SOX5: variants seen among roughly 807,000 people sequenced by gnomAD.
The protein encoded by SOX5 is SRY-box transcription factor 5.
In SOX5, 9 loss-of-function variants were observed where a neutral mutation model predicts 92.0. The observed-to-expected ratio is 0.10, with a 90% CI of 0.06 to 0.17. The LOEUF (loss-of-function observed/expected upper bound fraction) is 0.17, where lower values mean the gene tolerates loss of function less well. Ranked by LOEUF, SOX5 falls within the 10% of genes least tolerant of loss-of-function variation. The pLI, the probability that SOX5 is intolerant of heterozygous loss-of-function variation, is 1.00. For synonymous variants in SOX5, 344 were observed against 336.3 expected (o/e 1.02, Z -0.25); for missense variants, 642 against 944.5 (o/e 0.68, Z 4.20).
intron 2 of SOX5, among the ~76,000 whole-genome samples, chr12:24,352,314 AGATTATATATT>A (rs1954186052): frequency 6.6e-6 from 1 of 152,228 alleles, no homozygotes; most frequent in Admixed American, 6.5e-5. Context: ...TTTTGGGAAT[AGATTATATATT>A]GATTATATAA....
intron 4 of SOX5, among the ~76,000 whole-genome samples, chr12:23,742,499 C>T (rs2141020010): frequency 6.6e-6 from 1 of 152,008 alleles, no homozygotes; most frequent in South Asian, 2.1e-4. Context: ...CTATTATATC[C>T]TAATATTAAA....
At chr12:24,193,243 G>GA (rs1956699310) in intron 4 of SOX5, among the ~76,000 whole-genome samples, 1 of 152,192 alleles carries the variant, frequency 6.6e-6, no homozygotes, top group African/African-American at 2.4e-5. Flanking sequence ...TTTGGAAACT[G>GA]ACCAGAACAC....
chr12:24,269,064 G>T (rs937007086), intron 3 of SOX5, among the ~76,000 whole-genome samples: 1 of 152,148 alleles, frequency 6.6e-6, no homozygotes, highest in African/African-American at 2.4e-5. Context: ...ATTGTATATT[G>T]CAGGGTAATC....
intron 3 of SOX5, among the ~76,000 whole-genome samples, chr12:24,221,290 CTTCCT>C (rs1239331619): frequency 1.3e-5 from 2 of 152,188 alleles, no homozygotes; most frequent in African/African-American, 2.4e-5. Flanking sequence ...ACTCCTCCTT[CTTCCT>C]TTCCTTTCTT....
chr12:24,066,146 A>G (rs1035886640), intron 4 of SOX5, among the ~76,000 whole-genome samples: 1 of 152,208 alleles, frequency 6.6e-6, no homozygotes, highest in Non-Finnish European at 1.5e-5. Flanking sequence ...TCTGGAATGA[A>G]CCAACTATAT....
At chr12:23,707,687 T>C (rs1406868524) in intron 6 of SOX5, among the ~76,000 whole-genome samples, 1 of 152,132 alleles carries the variant, frequency 6.6e-6, no homozygotes, top group East Asian at 1.9e-4. Flanking sequence ...AAAGCGTTTA[T>C]TCATTCATTT....
At chr12:23,634,806 GATTA>G (rs970830362) in intron 8 of SOX5, among the ~76,000 whole-genome samples, 4 of 152,112 alleles carry the variant, frequency 2.6e-5, no homozygotes, top group South Asian at 2.1e-4. Flanking sequence ...TTTAAAAGGT[GATTA>G]ATTAATATAG....
At chr12:23,996,364 AATTGAAAC>A (rs1387798578) in intron 4 of SOX5, among the ~76,000 whole-genome samples, 1 of 152,326 alleles carries the variant, frequency 6.6e-6, no homozygotes, top group South Asian at 2.1e-4. Context: ...CATGTGAAGA[AATTGAAAC>A]ACTTATACAT....
At position 23,797,089 on chromosome 12, in the gene SOX5, A is replaced by G. The variant is rs572988909; in HGVS notation, c.482-41365T>C. Among the ~76,000 whole-genome samples the G allele has an allele frequency of 2.3e-4, 35 of 151,884 alleles. 1 individual carries two copies. The South Asian group carries it at 7.2e-3, about 31-fold the overall frequency. The stretch of plus-strand genomic sequence containing the variant: ...AAAACACAGCTTCAAAGTAGCCTTA[A>G]TTAACACTAATACACTTTATCAATT... On this transcript the variant is annotated intron_variant, in intron 3 of 14. Coordinates refer to ENST00000451604, the MANE Select transcript of SOX5 (RefSeq NM_006940.6).
chr12:24,033,621 G>A (rs139280724), intron 4 of SOX5, among the ~76,000 whole-genome samples: 81 of 152,078 alleles, frequency 5.3e-4, no homozygotes, highest in Non-Finnish European at 9.6e-4. Flanking sequence ...AGACTTACAG[G>A]TAAGTAAGAA....
intron 4 of SOX5, among the ~76,000 whole-genome samples, chr12:24,155,570 T>C (rs1228954393): frequency 1.3e-5 from 2 of 152,126 alleles, no homozygotes; most frequent in Non-Finnish European, 2.9e-5. Context: ...GCCCACATGG[T>C]GGCCTTCCTG....
intron 4 of SOX5, among the ~76,000 whole-genome samples, chr12:24,204,475 G>T (rs1049013415): frequency 6.6e-6 from 1 of 151,794 alleles, no homozygotes; most frequent in African/African-American, 2.4e-5. Flanking sequence ...ATTATGGGTG[G>T]CCACTACCAT....
chr12:24,376,689 CCTTTTTTTTTTTTT>C (rs1957300692), intron 1 of SOX5, among the ~76,000 whole-genome samples: 5 of 93,084 alleles, frequency 5.4e-5, no homozygotes, highest in Non-Finnish European at 8.3e-5. Flanking sequence ...GGGAGAGATA[CCTTTTTTTTTTTTT>C]TTTTTTTTTT....
At chr12:24,035,380 G>C (rs1281242327) in intron 4 of SOX5, among the ~76,000 whole-genome samples, 2 of 152,044 alleles carry the variant, frequency 1.3e-5, no homozygotes, top group Non-Finnish European at 2.9e-5. Context: ...TAACAATTAA[G>C]AGTCACAAAT....
chr12:24,478,819 T>C (rs1361337526), intron 1 of SOX5, among the ~76,000 whole-genome samples: 4 of 152,284 alleles, frequency 2.6e-5, no homozygotes, highest in African/African-American at 9.6e-5. Context: ...TTATCCCAAT[T>C]CCTTCTCCAT....
intron 11 of SOX5, among the ~76,000 whole-genome samples, chr12:23,555,776 C>T (rs1454114423): frequency 6.6e-6 from 1 of 152,154 alleles, no homozygotes; most frequent in East Asian, 1.9e-4. Context: ...GTTACCACTG[C>T]TGGACGAAAA....
chr12:24,189,485 G>T (rs1390986426), intron 4 of SOX5, among the ~76,000 whole-genome samples: 2 of 152,246 alleles, frequency 1.3e-5, no homozygotes, highest in Middle Eastern at 6.8e-3. Flanking sequence ...TAAATGAGTA[G>T]ATAGTTTCCA....
intron 4 of SOX5, among the ~76,000 whole-genome samples, chr12:24,048,319 C>A (rs1374070325): frequency 1.3e-5 from 2 of 152,132 alleles, no homozygotes; most frequent in South Asian, 4.1e-4. Context: ...TGCCTATTTA[C>A]TATTCTGGAG....
intron 6 of SOX5, among the ~76,000 whole-genome samples, chr12:23,701,392 C>A (rs2090610352): frequency 6.6e-6 from 1 of 151,786 alleles, no homozygotes; most frequent in Non-Finnish European, 1.5e-5. Flanking sequence ...TCTTAAGTTG[C>A]AGCTAGATTT....
Sources: gnomAD v4.1 joint callset for allele counts (sites outside exome capture counted in the v4.1 genomes callset) on GRCh38, gnomAD v4.1.1 for gene constraint, MANE v1.5 for transcripts, NCBI Gene and HGNC (gene_info 2026-07-23, HGNC 2026-07-21) for gene names.